The following ITPRIP variants were observed in gnomAD, a reference collection of about 807,000 sequenced individuals.
The protein encoded by ITPRIP is inositol 1,4,5-trisphosphate receptor-interacting protein.
Under a neutral mutation model 35.8 loss-of-function variants are expected in ITPRIP, and 32 were observed. That is an observed-to-expected ratio of 0.89 (90% confidence interval 0.68 to 1.20). ITPRIP has a LOEUF of 1.20. Among genes scored for constraint, ITPRIP ranks in the 50% most tolerant of loss-of-function variants. The pLI is 0.00. For synonymous variants in ITPRIP, 358 were observed against 324.0 expected, an observed-to-expected ratio of 1.11 and a Z score of -1.13; for missense variants, 653 against 735.6, an observed-to-expected ratio of 0.89 and a Z score of 1.30.
chr10:104,331,466 G>C (rs1416584725), intron 1 of ITPRIP, among the ~76,000 whole-genome samples: 1 of 152,082 alleles, frequency 6.6e-6, no homozygotes, highest in Non-Finnish European at 1.5e-5. Flanking sequence ...CACCTTCCCT[G>C]CTGCTTTGAT....
rs926572756 is a variant in ITPRIP, at chr10:104,328,273, G to A, written c.-14+9973C>T. The A allele has an allele frequency of 6.1e-6, 6 of 985,254 alleles. No individual in the cohort carries two copies. The highest frequency in any genetic ancestry group is 1.7e-5 in the African/African-American group (1 of 57,206). 61.0% of individuals were successfully genotyped at this position (985,254 alleles called of 1,614,324 possible). ...TCCTACATTGGCTTGGTCTGGGCTC[G>A]TATTCCTCCGAATTTCCCCTAGCCC... is the stretch of plus-strand genomic sequence containing the variant. On this transcript the variant is annotated intron_variant, in intron 1 of 1. Coordinates refer to ENST00000337478, the MANE Select transcript of ITPRIP (RefSeq NM_001272013.2). This position sits in a 1 kb window ranked among gnomAD's most constrained non-coding sequence, Gnocchi z 4.1.
At chr10:104,317,150 G>C (rs1192590693) in intron 1 of ITPRIP, among the ~76,000 whole-genome samples, 1 of 152,122 alleles carries the variant, frequency 6.6e-6, no homozygotes, top group African/African-American at 2.4e-5. Context: ...CACTCTCCTG[G>C]CTTTTGTCTT....
In ITPRIP at chr10:104,312,725, A is replaced by C; in HGVS notation, c.*1683T>G. ...ATTAACCCTGGTGGGCAAAGGGTCC[A>C]TCTTCTCAAGCTTTCTGAGGCTGGT... On this transcript the variant is annotated 3_prime_UTR_variant, in exon 2 of 2. Coordinates refer to ENST00000337478, the MANE Select transcript of ITPRIP (RefSeq NM_001272013.2). 1 of 985,340 alleles carries C rather than the reference A, an allele frequency of 1.0e-6. No individual in the cohort carries two copies. The highest frequency in any genetic ancestry group is 1.7e-5 in the African/African-American group (1 of 57,328). The allele number at this position is 985,340 out of a possible 1,614,324, so 61.0% of individuals were successfully genotyped here.
intron 1 of ITPRIP, among the ~76,000 whole-genome samples, chr10:104,327,830 G>C (rs1299290901): frequency 6.6e-6 from 1 of 152,246 alleles, no homozygotes; most frequent in East Asian, 1.9e-4. Context: ...AGCCCAAGGT[G>C]CTGAGAGGTG....
In ITPRIP at chr10:104,328,357, G is replaced by A. The variant is rs80308940; in HGVS notation, c.-14+9889C>T. ...TGGAGAGAGCATGAATACCCACCTT[G>A]GGGCAGGACATGCCAGAGTTCCCAA... is the stretch of plus-strand genomic sequence containing the variant. On this transcript the variant is annotated intron_variant, in intron 1 of 1. Transcript: ENST00000337478. The surrounding 1 kb of genome is among the most constrained non-coding windows in gnomAD (Gnocchi z 4.1). 2,913 of 911,528 alleles carry A rather than the reference G, an allele frequency of 3.2e-3. 77 individuals carry two copies. The African/African-American group carries it at 0.048, about 15-fold the overall frequency. 56.5% of individuals were successfully genotyped at this position (911,528 alleles called of 1,614,324 possible). A position where few individuals can be genotyped will look rare whatever the true frequency, so the allele number is the denominator to read the frequency against.
Position 104,312,028 on chromosome 10 carries a change from G to A in ITPRIP, c.*2380C>T, listed in dbSNP as rs2013500048. 6.6e-6 allele frequency: 1 copy of A among 152,188 alleles called. No homozygotes were observed. Among genetic ancestry groups the A allele is most frequent in the Non-Finnish European group, 1.5e-5 (1 of 68,044 alleles). 9.4% of individuals were successfully genotyped at this position (152,188 alleles called of 1,614,324 possible). A position where few individuals can be genotyped will look rare whatever the true frequency, so the allele number is the denominator to read the frequency against. On this transcript the variant is annotated 3_prime_UTR_variant, in exon 2 of 2. Transcript: ENST00000337478. ...TCCTGAAAGTGTAAGAATAAAAAGG[G>A]AGTGAAAGCTTCTGCTTTGTCAATA...
rs917125484 is a variant in ITPRIP, at chr10:104,314,025, G to C, written c.*383C>G. On this transcript the variant is annotated 3_prime_UTR_variant, in exon 2 of 2. Transcript: ENST00000337478. ...CTGTCAGCATTCTTGTAGATCCTCTGCTCATATTCAAGTACAGACTGGATC... is the reference window on the plus strand; with the variant it reads ...CTGTCAGCATTCTTGTAGATCCTCTCCTCATATTCAAGTACAGACTGGATC... The C allele has an allele frequency of 3.0e-6, 3 of 1,014,974 alleles. No individual in the cohort carries two copies. The highest frequency in any genetic ancestry group is 1.0e-4 in the Admixed American group (2 of 19,248). 62.9% of individuals were successfully genotyped at this position (1,014,974 alleles called of 1,614,324 possible). A position where few individuals can be genotyped will look rare whatever the true frequency, so the allele number is the denominator to read the frequency against.
intron 1 of ITPRIP, among the ~76,000 whole-genome samples, chr10:104,335,183 G>C (rs1463474525): frequency 6.6e-6 from 1 of 152,192 alleles, no homozygotes; most frequent in Non-Finnish European, 1.5e-5. Flanking sequence ...CCTATCGACA[G>C]TACATAGTGA....
chr10:104,323,135 G>T (rs1413983344), intron 1 of ITPRIP, among the ~76,000 whole-genome samples: 3 of 152,158 alleles, frequency 2.0e-5, no homozygotes, highest in Non-Finnish European at 2.9e-5. Flanking sequence ...GGCAGGCTGG[G>T]TATCATCCCG....
At position 104,331,038 on chromosome 10, in the gene ITPRIP, G is replaced by A. The variant is rs933561967; in HGVS notation, c.-14+7208C>T. Among the ~76,000 whole-genome samples the A allele has an allele frequency of 3.9e-5, 6 of 152,354 alleles. No homozygotes were observed. In the East Asian group the frequency reaches 9.6e-4, roughly 24 times the overall value. On this transcript the variant is annotated intron_variant, in intron 1 of 1. Coordinates refer to ENST00000337478, the MANE Select transcript of ITPRIP (RefSeq NM_001272013.2). ...CATGAAGCAGGGAGTAAAACCTAAT[G>A]AACTTATGAGACTCCTTCTACCAAG...
chr10:104,336,519 T>TG (rs1456161052), intron 1 of ITPRIP, among the ~76,000 whole-genome samples: 4 of 94,930 alleles, frequency 4.2e-5, no homozygotes, highest in East Asian at 3.7e-4. Flanking sequence ...AGCGGGGCAT[T>TG]GGGGGGTAGG....
At chr10:104,324,492 G>C (rs148227957) in intron 1 of ITPRIP, among the ~76,000 whole-genome samples, 41 of 152,304 alleles carry the variant, frequency 2.7e-4, no homozygotes, top group African/African-American at 9.1e-4. Context: ...CTCTGGGCTT[G>C]CCGCACTTCC....
intron 1 of ITPRIP, among the ~76,000 whole-genome samples, chr10:104,316,647 C>G (rs368440077): frequency 2.6e-5 from 4 of 152,256 alleles, no homozygotes; most frequent in South Asian, 2.1e-4. Context: ...CAGAACCCCC[C>G]CTCCCCACAC....
chr10:104,312,724 C>T lies in ITPRIP; in HGVS notation c.*1684G>A, dbSNP rs1322400902. 8 of 985,176 alleles carry T rather than the reference C, an allele frequency of 8.1e-6. No individual in the cohort carries two copies. In the South Asian group the frequency reaches 1.9e-4, roughly 23 times the overall value. 61.0% of individuals were successfully genotyped at this position (985,176 alleles called of 1,614,324 possible). On this transcript the variant is annotated 3_prime_UTR_variant, in exon 2 of 2. Coordinates refer to ENST00000337478, the MANE Select transcript of ITPRIP (RefSeq NM_001272013.2). Reference sequence around the variant, plus strand: ...AATTAACCCTGGTGGGCAAAGGGTCCATCTTCTCAAGCTTTCTGAGGCTGG... The same window carrying T: ...AATTAACCCTGGTGGGCAAAGGGTCTATCTTCTCAAGCTTTCTGAGGCTGG...
In ITPRIP at chr10:104,328,240, T is replaced by A; in HGVS notation, c.-14+10006A>T. 1.0e-6 allele frequency: 1 copy of A among 985,352 alleles called. No individual in the cohort carries two copies. The highest frequency in any genetic ancestry group is 1.2e-6 in the Non-Finnish European group (1 of 829,920). The allele number at this position is 985,352 out of a possible 1,614,324, so 61.0% of individuals were successfully genotyped here. On this transcript the variant is annotated intron_variant, in intron 1 of 1. Coordinates refer to ENST00000337478, the MANE Select transcript of ITPRIP (RefSeq NM_001272013.2). This position sits in a 1 kb window ranked among gnomAD's most constrained non-coding sequence, Gnocchi z 4.1. Reference sequence around the variant, plus strand: ...GTGACAGCAATGCGCCCTCACCACTTCCCGTTGTCCTACATTGGCTTGGTC... The same window carrying A: ...GTGACAGCAATGCGCCCTCACCACTACCCGTTGTCCTACATTGGCTTGGTC...
intron 1 of ITPRIP, among the ~76,000 whole-genome samples, chr10:104,317,060 G>A (rs575023985): frequency 3.5e-4 from 53 of 152,320 alleles, no homozygotes; most frequent in African/African-American, 1.2e-3. Flanking sequence ...TAACTGTTTC[G>A]GAAGTAGATT....
intron 1 of ITPRIP, among the ~76,000 whole-genome samples, chr10:104,329,396 G>A (rs1458483539): frequency 6.6e-6 from 1 of 152,066 alleles, no homozygotes; most frequent in Non-Finnish European, 1.5e-5. Flanking sequence ...CACTCTCTAC[G>A]GATTGCACAA....
At chr10:104,317,106 T>G (rs1297093173) in intron 1 of ITPRIP, among the ~76,000 whole-genome samples, 1 of 152,250 alleles carries the variant, frequency 6.6e-6, no homozygotes, top group Non-Finnish European at 1.5e-5. Flanking sequence ...AACGTCTCTT[T>G]CTGACCTGGA....
intron 1 of ITPRIP, among the ~76,000 whole-genome samples, chr10:104,320,264 C>G (rs2013809628): frequency 6.6e-6 from 1 of 151,070 alleles, no homozygotes; most frequent in South Asian, 2.1e-4. Context: ...TTGACAGACA[C>G]TTACCATCTC....
Sources: gnomAD v4.1 joint callset for allele counts (sites outside exome capture counted in the v4.1 genomes callset) on GRCh38, gnomAD v4.1.1 for gene constraint, Gnocchi (gnomAD v3.1) non-coding constraint, MANE v1.5 for transcripts, NCBI Gene and HGNC (gene_info 2026-07-23, HGNC 2026-07-21) for gene names.